The following GNAQ variants were observed in gnomAD, a reference collection of about 807,000 sequenced individuals.
The protein encoded by GNAQ is G protein subunit alpha q, also known as guanine nucleotide-binding protein G(q) subunit alpha.
A neutral mutation model predicts 43.9 loss-of-function variants in GNAQ; 8 were observed. The observed-to-expected ratio is 0.18, with a 90% CI of 0.11 to 0.33. GNAQ has a LOEUF of 0.33. Among genes scored for constraint, GNAQ ranks in the 10% least tolerant of loss-of-function variants. The pLI is 1.00. For missense variants in GNAQ, 158 were observed against 450.8 expected, an observed-to-expected ratio of 0.35 and a Z score of 5.88; for synonymous variants, 155 against 170.7, an observed-to-expected ratio of 0.91 and a Z score of 0.71.
chr9:77,728,119 C>T (rs530117733), intron 6 of GNAQ, among the ~76,000 whole-genome samples: 10 of 151,976 alleles, frequency 6.6e-5, no homozygotes, highest in South Asian at 2.1e-4. Flanking sequence ...CTCAGCCTCC[C>T]GAGAAGCTGG....
chr9:77,753,003 C>T (rs990140973), intron 5 of GNAQ, among the ~76,000 whole-genome samples: 17 of 143,972 alleles, frequency 1.2e-4, no homozygotes, highest in Admixed American at 1.0e-3. Flanking sequence ...AGGAGAATGG[C>T]GTGAACCCGG....
intron 1 of GNAQ, among the ~76,000 whole-genome samples, chr9:78,019,813 A>T (rs1823884473): frequency 6.6e-6 from 1 of 151,488 alleles, no homozygotes; most frequent in Admixed American, 6.6e-5. Context: ...AATCCCAGCT[A>T]CTTGGGAGGC....
intron 1 of GNAQ, among the ~76,000 whole-genome samples, chr9:77,951,021 G>C (rs1052978761): frequency 1.3e-5 from 2 of 149,880 alleles, no homozygotes; most frequent in African/African-American, 4.9e-5. Context: ...TGTATATCCT[G>C]TATCTTCACC....
At chr9:77,753,303 C>A (rs1004303991) in intron 5 of GNAQ, among the ~76,000 whole-genome samples, 8 of 151,904 alleles carry the variant, frequency 5.3e-5, no homozygotes, top group South Asian at 4.2e-4. Context: ...ACACACACAC[C>A]CCCACCCACC....
chr9:77,840,063 G>A (rs1031838612), intron 2 of GNAQ, among the ~76,000 whole-genome samples: 1 of 152,116 alleles, frequency 6.6e-6, no homozygotes, highest in East Asian at 1.9e-4. Context: ...GAACCCGTGC[G>A]TTTTCCTCTG....
Position 77,873,088 on chromosome 9 carries a change from T to A in GNAQ, c.321+49073A>T, listed in dbSNP as rs1016603342. On this transcript the variant is annotated intron_variant, in intron 2 of 6. Coordinates refer to ENST00000286548, the MANE Select transcript of GNAQ (RefSeq NM_002072.5). ...ATAATACAATAAGATTTTGTATTCA[T>A]CCCCTGGGGTCTAATCTTGAAGATG... Among the ~76,000 whole-genome samples the A allele has an allele frequency of 6.6e-5, 10 of 152,320 alleles. No individual in the cohort carries two copies. In the East Asian group the frequency reaches 1.7e-3, roughly 26 times the overall value.
intron 5 of GNAQ, among the ~76,000 whole-genome samples, chr9:77,780,259 A>C (rs886208001): frequency 4.6e-5 from 7 of 151,554 alleles, no homozygotes; most frequent in African/African-American, 1.5e-4. Flanking sequence ...CATTTAACAA[A>C]TCTCTCCCTC....
At chr9:77,903,882 TCATACCTGACAGCCAGGCTACA>T (rs1828656665) in intron 2 of GNAQ, among the ~76,000 whole-genome samples, 3 of 152,150 alleles carry the variant, frequency 2.0e-5, no homozygotes, top group Admixed American at 2.0e-4. Context: ...GCCTGTTTCC[TCATACCTGACAGCCAGGCTACA>T]CATACCTTCC....
At chr9:77,755,759 T>G (rs1825892780) in intron 5 of GNAQ, among the ~76,000 whole-genome samples, 1 of 152,230 alleles carries the variant, frequency 6.6e-6, no homozygotes, top group Admixed American at 6.5e-5. Flanking sequence ...TAGGCATAAT[T>G]ATGACCTTAT....
rs145561912 is a variant in GNAQ, at chr9:77,884,520, ATAAGGAGT to A, written c.321+37633_321+37640del. On this transcript the variant is annotated intron_variant, in intron 2 of 6. Transcript: ENST00000286548. ...AAAGTGCGACTTCCCATAATGGTGA[ATAAGGAGT>A]TAGGAATCTGAGTTAGGAATCCTAG... is the stretch of plus-strand genomic sequence containing the variant. Among the ~76,000 whole-genome samples, 271 of 152,346 alleles carry A rather than the reference ATAAGGAGT, an allele frequency of 1.8e-3. 1 individual carries two copies. The highest frequency in any genetic ancestry group is 6.1e-3 in the African/African-American group (254 of 41,584).
In GNAQ at chr9:77,718,679, T is replaced by A. The variant is rs1825261222; in HGVS notation, c.*2644A>T. On this transcript the variant is annotated 3_prime_UTR_variant, in exon 7 of 7. Coordinates refer to ENST00000286548, the MANE Select transcript of GNAQ (RefSeq NM_002072.5). Reference sequence around the variant, plus strand: ...AACTGTAACACTTATGATCTTGTGATGAGGTTTTCTCTATACACACTGTAG... The same window carrying A: ...AACTGTAACACTTATGATCTTGTGAAGAGGTTTTCTCTATACACACTGTAG... The A allele has an allele frequency of 1.3e-5, 3 of 232,342 alleles. No individual in the cohort carries two copies. In the Admixed American group the frequency reaches 1.7e-4, roughly 13 times the overall value. 14.4% of individuals were successfully genotyped at this position (232,342 alleles called of 1,614,324 possible). A position where few individuals can be genotyped will look rare whatever the true frequency, so the allele number is the denominator to read the frequency against.
chr9:77,871,245 G>A (rs1331948194), intron 2 of GNAQ, among the ~76,000 whole-genome samples: 1 of 152,048 alleles, frequency 6.6e-6, no homozygotes, highest in African/African-American at 2.4e-5. Flanking sequence ...TAGTCTATAG[G>A]ACTATTTTCT....
chr9:77,857,178 A>C (rs1564131706), intron 2 of GNAQ, among the ~76,000 whole-genome samples: 1 of 152,234 alleles, frequency 6.6e-6, no homozygotes, highest in African/African-American at 2.4e-5. Flanking sequence ...CCAAACATGG[A>C]ATTGACCAGA....
chr9:77,747,140 C>A (rs963710375), intron 5 of GNAQ, among the ~76,000 whole-genome samples: 3 of 152,192 alleles, frequency 2.0e-5, no homozygotes, highest in Admixed American at 2.0e-4. Context: ...TTTTCACTCT[C>A]TTCTGTAGCC....
intron 1 of GNAQ, among the ~76,000 whole-genome samples, chr9:77,999,725 G>C (rs778065371): frequency 6.6e-6 from 1 of 152,112 alleles, no homozygotes; most frequent in Non-Finnish European, 1.5e-5. Flanking sequence ...GGATGAACAG[G>C]ATTAACAAAG....
At chr9:77,795,965 A>T (rs1380378118) in intron 4 of GNAQ, among the ~76,000 whole-genome samples, 1 of 152,252 alleles carries the variant, frequency 6.6e-6, no homozygotes, top group Non-Finnish European at 1.5e-5. Flanking sequence ...GCGAAGCAAT[A>T]AGGAGATGAA....
intron 1 of GNAQ, among the ~76,000 whole-genome samples, chr9:77,953,894 A>C (rs1410383945): frequency 6.6e-6 from 1 of 152,206 alleles, no homozygotes; most frequent in African/African-American, 2.4e-5. Context: ...TTTGGCCCCT[A>C]AAATTTATCA....
chr9:77,864,111 G>A (rs1205187209), intron 2 of GNAQ, among the ~76,000 whole-genome samples: 3 of 151,960 alleles, frequency 2.0e-5, no homozygotes, highest in African/African-American at 7.2e-5. Context: ...AAGGCAAAGG[G>A]AAGCAGGCAC....
intron 2 of GNAQ, among the ~76,000 whole-genome samples, chr9:77,863,048 C>T (rs1255935037): frequency 6.6e-6 from 1 of 152,152 alleles, no homozygotes. Context: ...GTGGCACATG[C>T]CTGTAATCCC....
Sources: gnomAD v4.1 joint callset for allele counts (sites outside exome capture counted in the v4.1 genomes callset) on GRCh38, gnomAD v4.1.1 for gene constraint, MANE v1.5 for transcripts, NCBI Gene and HGNC (gene_info 2026-07-23, HGNC 2026-07-21) for gene names.